Variants in YAE1 observed in about 807,000 individuals in gnomAD.
YAE1 encodes the protein protein YAE1 homolog.
Under a neutral mutation model 23.0 loss-of-function variants are expected in YAE1, and 22 were observed. That is an observed-to-expected ratio of 0.96 (90% CI 0.68 to 1.37). YAE1 has a LOEUF of 1.37. Ranked by LOEUF, YAE1 falls within the 40% of genes most tolerant of loss-of-function variation. YAE1 has a pLI of 0.00. For missense variants in YAE1, 260 were observed against 262.1 expected (o/e 0.99, Z 0.06); for synonymous variants, 101 against 97.0 (o/e 1.04, Z -0.24).
intron 2 of YAE1, among the ~76,000 whole-genome samples, chr7:39,604,777 G>A (rs2329460): frequency 0.73 from 110,737 of 152,080 alleles, 41,998 homozygotes; most frequent in East Asian, 0.89. Flanking sequence ...ACACATTTAA[G>A]ATGTGTTCAG....
intron 2 of YAE1, among the ~76,000 whole-genome samples, chr7:39,597,407 T>TA (rs1331387136): frequency 2.0e-5 from 3 of 151,918 alleles, no homozygotes; most frequent in Middle Eastern, 3.2e-3. Context: ...CCATCTCTAT[T>TA]AAAAAAAAAT....
intron 2 of YAE1, among the ~76,000 whole-genome samples, chr7:39,601,677 T>G (rs1791057213): frequency 6.6e-6 from 1 of 150,854 alleles, no homozygotes; most frequent in South Asian, 2.1e-4. Flanking sequence ...GAGAATCACT[T>G]GAACCCAGGA....
chr7:39,571,171 CAT>C (rs1185858148), intron 2 of YAE1, among the ~76,000 whole-genome samples: 3 of 152,152 alleles, frequency 2.0e-5, no homozygotes, highest in Non-Finnish European at 2.9e-5. Flanking sequence ...CTGCATATCA[CAT>C]GTGGCCCAGG....
intron 2 of YAE1, among the ~76,000 whole-genome samples, chr7:39,594,197 G>A (rs1790944917): frequency 6.6e-6 from 1 of 152,182 alleles, no homozygotes; most frequent in South Asian, 2.1e-4. Flanking sequence ...CCTGCACAGG[G>A]ATAGTGCAGG....
chr7:39,592,495 A>G (rs1007588065), intron 2 of YAE1, among the ~76,000 whole-genome samples: 2 of 152,214 alleles, frequency 1.3e-5, no homozygotes, highest in African/African-American at 4.8e-5. Context: ...GATTTAACCC[A>G]TGGCAAACCC....
At chr7:39,584,848 A>G (rs1790792914) in intron 2 of YAE1, among the ~76,000 whole-genome samples, 1 of 152,128 alleles carries the variant, frequency 6.6e-6, no homozygotes, top group Non-Finnish European at 1.5e-5. Flanking sequence ...GTAAGACCCC[A>G]TCTCAACAAC....
chr7:39,596,081 A>G (rs140922712), intron 2 of YAE1, among the ~76,000 whole-genome samples: 43 of 152,330 alleles, frequency 2.8e-4, no homozygotes, highest in African/African-American at 1.0e-3. Flanking sequence ...TGAATTCTCC[A>G]TCATCAAACT....
chr7:39,610,910 G>A (rs1791204548), downstream of YAE1, among the ~76,000 whole-genome samples: 1 of 152,192 alleles, frequency 6.6e-6, no homozygotes, highest in East Asian at 1.9e-4. Context: ...CACTTTGGGA[G>A]GAGGCCGAGC....
chr7:39,591,727 T>C (rs1016003105), intron 2 of YAE1, among the ~76,000 whole-genome samples: 1 of 152,246 alleles, frequency 6.6e-6, no homozygotes, highest in African/African-American at 2.4e-5. Context: ...CACTTGGTGT[T>C]GTACATTCTA....
chr7:39,568,535 A>G (rs1790512501), intron 1 of YAE1, among the ~76,000 whole-genome samples: 1 of 152,198 alleles, frequency 6.6e-6, no homozygotes, highest in Non-Finnish European at 1.5e-5. Context: ...TAGTTCAGCA[A>G]GAATGATTTA....
At chr7:39,575,355 GA>G (rs200382836), downstream of YAE1, among the ~76,000 whole-genome samples, 58 of 152,318 alleles carry the variant, frequency 3.8e-4, no homozygotes, top group East Asian at 0.011. Flanking sequence ...TATGTAAAGG[GA>G]GTGGGCAGCT....
At chr7:39,569,559 G>A in intron 1 of YAE1, 1 of 540,636 alleles carries the variant, frequency 1.8e-6, no homozygotes, top group Non-Finnish European at 3.6e-6. Context: ...GTATGGCTGT[G>A]GTGTGTGCCT....
Position 39,566,406 on chromosome 7 carries a change from A to T in YAE1, c.-13A>T. On this transcript the variant is annotated 5_prime_UTR_variant, in exon 1 of 3. Coordinates refer to ENST00000223273, the MANE Select transcript of YAE1 (RefSeq NM_020192.5). ...CGCTTCCGGTGGCCTGCGACCCCGT[A>T]ATTGCCTCGGTGATGTCGTGGGTTC... 1 of 1,611,806 alleles carries T rather than the reference A, an allele frequency of 6.2e-7. No homozygotes were observed. Among genetic ancestry groups the T allele is most frequent in the Non-Finnish European group, 8.5e-7 (1 of 1,178,190 alleles).
chr7:39,596,218 G>A (rs1456338778), intron 2 of YAE1, among the ~76,000 whole-genome samples: 6 of 151,692 alleles, frequency 4.0e-5, no homozygotes, highest in Non-Finnish European at 5.9e-5. Flanking sequence ...TTTTGGAGGC[G>A]GAGTCTCACT....
chr7:39,577,281 C>T (rs1002156877), downstream of YAE1, among the ~76,000 whole-genome samples: 4 of 152,274 alleles, frequency 2.6e-5, no homozygotes, highest in East Asian at 1.9e-4. Context: ...TGAGAGGTGA[C>T]GAAGTGCTGG....
At chr7:39,597,417 T>A (rs555873496) in intron 2 of YAE1, among the ~76,000 whole-genome samples, 66 of 152,030 alleles carry the variant, frequency 4.3e-4, no homozygotes, top group East Asian at 1.4e-3. Context: ...TAAAAAAAAA[T>A]TTTTTTAAGA....
At chr7:39,579,096 T>G (rs1790703629) in intron 2 of YAE1, among the ~76,000 whole-genome samples, 2 of 152,308 alleles carry the variant, frequency 1.3e-5, no homozygotes, top group African/African-American at 4.8e-5. Flanking sequence ...AAGTAATGGT[T>G]AACGCAGGCA....
intron 2 of YAE1, among the ~76,000 whole-genome samples, chr7:39,598,958 G>C (rs968833331): frequency 1.3e-5 from 2 of 151,924 alleles, no homozygotes; most frequent in African/African-American, 4.8e-5. Flanking sequence ...ATGGTATCTA[G>C]CTCAGGTGCC....
chr7:39,576,583 C>T (rs1309557761), downstream of YAE1, among the ~76,000 whole-genome samples: 1 of 152,156 alleles, frequency 6.6e-6, no homozygotes, highest in Non-Finnish European at 1.5e-5. Flanking sequence ...ATACTTTATT[C>T]CACGTCCTTT....
Sources: gnomAD v4.1 joint callset for allele counts (sites outside exome capture counted in the v4.1 genomes callset) on GRCh38, gnomAD v4.1.1 for gene constraint, MANE v1.5 for transcripts, NCBI Gene and HGNC (gene_info 2026-07-23, HGNC 2026-07-21) for gene names.